The following FAIM2 variants were observed in gnomAD, a reference collection of about 807,000 sequenced individuals.
FAIM2 encodes protein lifeguard 2.
A neutral mutation model predicts 47.4 loss-of-function variants in FAIM2; 27 were observed. That is an observed-to-expected ratio of 0.57 (90% CI 0.42 to 0.78). The LOEUF (loss-of-function observed/expected upper bound fraction) is 0.78. FAIM2 is among the 30% of genes least tolerant of loss of function. FAIM2 has a pLI of 0.00. For missense variants in FAIM2, 311 were observed against 389.4 expected (o/e 0.80, Z 1.69); for synonymous variants, 156 against 159.3 (o/e 0.98, Z 0.16).
At chr12:49,902,627 G>A (rs981262929) in intron 1 of FAIM2, among the ~76,000 whole-genome samples, 1 of 151,972 alleles carries the variant, frequency 6.6e-6, no homozygotes, top group Admixed American at 6.5e-5. Flanking sequence ...GGTGGAAGGA[G>A]ACTCAGCAGA....
chr12:49,890,996 G>A (rs1302910048), intron 6 of FAIM2, 68 bp downstream of exon 6: 16 of 1,510,248 alleles, frequency 1.1e-5, no homozygotes, highest in South Asian at 3.4e-5. Flanking sequence ...TGGCTGGCAG[G>A]GCTGGGGCCA....
intron 2 of FAIM2, among the ~76,000 whole-genome samples, chr12:49,898,630 G>A (rs1180807301): frequency 1.3e-5 from 2 of 152,048 alleles, no homozygotes; most frequent in Non-Finnish European, 2.9e-5. Context: ...TGGCTCAGGC[G>A]ATCCTCCCAC....
At chr12:49,896,825 C>T (rs1217340230) in intron 5 of FAIM2, among the ~76,000 whole-genome samples, 1 of 152,182 alleles carries the variant, frequency 6.6e-6, no homozygotes, top group Non-Finnish European at 1.5e-5. Flanking sequence ...CTTTGTGCCC[C>T]ATCAGATGTA....
At position 49,903,592 on chromosome 12, in the gene FAIM2, A is replaced by G. The variant is rs12424404; in HGVS notation, c.15+186T>C. 0.026 allele frequency among the ~76,000 whole-genome samples: 3,916 copies of G among 152,332 alleles called. 431 individuals are homozygous for G. In the East Asian group the frequency reaches 0.38, roughly 15 times the overall value. Reference sequence around the variant, plus strand: ...GGGGAGGAGAGGCGCGCCTGCGGGCAGGAAGAGGCCTCGGTCCATTCCTTG... The same window carrying G: ...GGGGAGGAGAGGCGCGCCTGCGGGCGGGAAGAGGCCTCGGTCCATTCCTTG... On this transcript the variant is annotated intron_variant, in intron 1 of 11. Coordinates refer to ENST00000320634, the MANE Select transcript of FAIM2 (RefSeq NM_012306.4).
intron 5 of FAIM2, among the ~76,000 whole-genome samples, chr12:49,894,531 C>T (rs1946922354): frequency 6.6e-6 from 1 of 151,854 alleles, no homozygotes; most frequent in Admixed American, 6.6e-5. Context: ...CTTAAGAAGT[C>T]AGAGAGAGAG....
At chr12:49,900,296 T>G in intron 2 of FAIM2, 1 of 1,073,208 alleles carries the variant, frequency 9.3e-7, no homozygotes, top group Non-Finnish European at 1.2e-6. Context: ...CTGAGATCTC[T>G]TCTAGAATCC....
At chr12:49,872,598 C>A (rs1946710864) in intron 11 of FAIM2, among the ~76,000 whole-genome samples, 2 of 152,168 alleles carry the variant, frequency 1.3e-5, no homozygotes, top group South Asian at 2.1e-4. Context: ...CAATGCTCCC[C>A]CCGGCAGGCC....
chr12:49,883,874 G>A (rs754095008), intron 11 of FAIM2, among the ~76,000 whole-genome samples: 12 of 152,086 alleles, frequency 7.9e-5, no homozygotes, highest in Non-Finnish European at 1.6e-4. Context: ...CTGGGTCCCC[G>A]GATTTAGCTA....
intron 11 of FAIM2, among the ~76,000 whole-genome samples, chr12:49,882,150 G>A (rs1348019825): frequency 2.6e-5 from 4 of 152,232 alleles, no homozygotes; most frequent in Non-Finnish European, 5.9e-5. Context: ...CATGCAGTGT[G>A]CTGTGTCCAG....
chr12:49,891,176 C>A, intron 5 of FAIM2, 62 bp from the exon 6 acceptor site: 1 of 1,501,168 alleles, frequency 6.7e-7, no homozygotes, highest in South Asian at 1.1e-5. Context: ...CCCCAAGATC[C>A]CCTGCTTATG....
At chr12:49,887,777 G>A (rs923882973) in intron 10 of FAIM2, among the ~76,000 whole-genome samples, 22 of 152,204 alleles carry the variant, frequency 1.4e-4, no homozygotes, top group African/African-American at 4.8e-4. Flanking sequence ...GGCTGCTCCC[G>A]CCTCCCAGTG....
chr12:49,874,386 C>T lies in FAIM2; in HGVS notation c.802-3733G>A, dbSNP rs1338261303. On this transcript the variant is annotated intron_variant, in intron 11 of 11. Coordinates refer to ENST00000320634, the MANE Select transcript of FAIM2 (RefSeq NM_012306.4). This position sits in a 1 kb window ranked among gnomAD's most constrained non-coding sequence, Gnocchi z 4.2. ...GAGTGACTTGCTGATGGCTGCTTAT[C>T]GAGTGCCGTCTCCTATGCTGGTGGA... is the stretch of plus-strand genomic sequence containing the variant. Among the ~76,000 whole-genome samples, 2 of 152,166 alleles carry T rather than the reference C, an allele frequency of 1.3e-5. No homozygotes were observed. The highest frequency in any genetic ancestry group is 6.5e-5 in the Admixed American group (1 of 15,284).
At position 49,883,870 on chromosome 12, in the gene FAIM2, C is replaced by T. The variant is rs370015390; in HGVS notation, c.801+3516G>A. On this transcript the variant is annotated intron_variant, in intron 11 of 11. Transcript: ENST00000320634. ...AGCAAGATGAGGACTGAGACTGGGT[C>T]CCCGGATTTAGCTACACAGAGGTCC... Among the ~76,000 whole-genome samples the T allele has an allele frequency of 2.5e-3, 382 of 152,124 alleles. 2 individuals are homozygous for T. Among genetic ancestry groups the T allele is most frequent in the African/African-American group, 8.7e-3 (359 of 41,500 alleles).
intron 11 of FAIM2, among the ~76,000 whole-genome samples, chr12:49,877,856 ATG>A (rs756077094): frequency 1.6e-4 from 24 of 151,080 alleles, no homozygotes; most frequent in Admixed American, 4.6e-4. Context: ...AGGTGTGTGC[ATG>A]TGTGTGTGAG....
intron 11 of FAIM2, among the ~76,000 whole-genome samples, chr12:49,879,218 GTGCATGTGTGTATGTA>G: frequency 1.6e-5 from 1 of 61,346 alleles, no homozygotes. Flanking sequence ...GAGTGTGTAT[GTGCATGTGTGTATGTA>G]TGCATGCATG....
At chr12:49,882,908 T>A in intron 11 of FAIM2, among the ~76,000 whole-genome samples, 1 of 152,090 alleles carries the variant, frequency 6.6e-6, no homozygotes, top group East Asian at 1.9e-4. Flanking sequence ...AGACAGACAA[T>A]GAGCAACAGA....
rs1470713680 is a variant in FAIM2 at position 49,878,353 on chromosome 12, C to A, written c.802-7700G>T. On this transcript the variant is annotated intron_variant, in intron 11 of 11. Coordinates refer to ENST00000320634, the MANE Select transcript of FAIM2 (RefSeq NM_012306.4). ...GTGTGCATGTGAGTGTATGTGTGTG[C>A]ATGTGTGTATATGTGGGCATGTGCA... Among the ~76,000 whole-genome samples, 5 of 65,814 alleles carry A rather than the reference C, an allele frequency of 7.6e-5. 1 individual carries two copies. The South Asian group carries it at 1.7e-3, about 22-fold the overall frequency. 43.2% of individuals were successfully genotyped at this position (65,814 alleles called of 152,430 possible).
chr12:49,884,770 C>A (rs1056874396), intron 11 of FAIM2, among the ~76,000 whole-genome samples: 2 of 152,156 alleles, frequency 1.3e-5, no homozygotes. Flanking sequence ...GTCAGGAGAT[C>A]GAGACCATCC....
chr12:49,892,244 A>G (rs1946905445), intron 5 of FAIM2, among the ~76,000 whole-genome samples: 1 of 151,870 alleles, frequency 6.6e-6, no homozygotes. Context: ...GTCCCAGGCC[A>G]ATCCTCCCAC....
Sources: allele counts gnomAD v4.1 joint callset (sites outside exome capture counted in the v4.1 genomes callset), GRCh38; gene constraint gnomAD v4.1.1; non-coding constraint Gnocchi (gnomAD v3.1); transcripts MANE v1.5; gene names NCBI Gene and HGNC (gene_info 2026-07-23, HGNC 2026-07-21).